SLC35F4: variants seen among roughly 807,000 people sequenced by gnomAD.
SLC35F4 encodes solute carrier family 35 member F4.
SLC35F4 carries 24 observed loss-of-function variants against 44.2 expected under a neutral mutation model. The ratio of observed to expected loss-of-function variants is 0.54; its 90% CI spans 0.39 to 0.76. SLC35F4 has a LOEUF of 0.76. Ranked by LOEUF, SLC35F4 falls within the 30% of genes least tolerant of loss-of-function variation. SLC35F4 has a pLI of 0.00. For synonymous variants in SLC35F4, 238 were observed against 223.6 expected (o/e 1.06, Z -0.57); for missense variants, 562 against 586.1 (o/e 0.96, Z 0.42).
chr14:57,581,315 T>G lies in SLC35F4; in HGVS notation c.706A>C (p.Lys236Gln). The change falls in exon 4 of 8, where the codon AAG (lysine) becomes CAG (glutamine). Residue 236 changes from lysine (K) to glutamine (Q), a missense_variant. Physicochemically the swap from Lys to Gln is moderately conservative, Grantham distance 53. Transcript: ENST00000556826. ...TNYLYLLALK[K>Q]LTATDVSALF... ...GCGGAGACATCCGTGGCCGTCAGCT[T>G]CTTTAAAGCCAGTAAATAAAGGTAA... 6.2e-7 allele frequency: 1 copy of G among 1,613,710 alleles called. No homozygotes were observed. Among genetic ancestry groups the G allele is most frequent in the Non-Finnish European group, 8.5e-7 (1 of 1,179,794 alleles).
At chr14:57,610,431 T>C (rs1369089025) in intron 1 of SLC35F4, among the ~76,000 whole-genome samples, 3 of 151,934 alleles carry the variant, frequency 2.0e-5, no homozygotes, top group Non-Finnish European at 4.4e-5. Flanking sequence ...CTGCGCGGGG[T>C]CTGTGAAGGC....
chr14:57,790,838 A>G (rs1266895520), intron 1 of SLC35F4, among the ~76,000 whole-genome samples: 1 of 152,142 alleles, frequency 6.6e-6, no homozygotes, highest in Non-Finnish European at 1.5e-5. Flanking sequence ...CCACAAATCT[A>G]CAACCATCTG....
At chr14:57,664,290 G>A (rs2074235252) in intron 1 of SLC35F4, among the ~76,000 whole-genome samples, 1 of 152,042 alleles carries the variant, frequency 6.6e-6, no homozygotes, top group South Asian at 2.1e-4. Flanking sequence ...CTTTTACCAT[G>A]GAAGACACTC....
intron 1 of SLC35F4, among the ~76,000 whole-genome samples, chr14:57,980,675 G>A (rs1276402382): frequency 6.6e-6 from 1 of 152,050 alleles, no homozygotes; most frequent in Non-Finnish European, 1.5e-5. Context: ...TGTATGTGTG[G>A]TTTAGGCAAA....
At chr14:57,788,232 T>G (rs977821901) in intron 1 of SLC35F4, among the ~76,000 whole-genome samples, 1 of 152,228 alleles carries the variant, frequency 6.6e-6, no homozygotes, top group Admixed American at 6.5e-5. Context: ...CCTAAACATA[T>G]GTGCACCTAA....
rs183130690 is a variant in SLC35F4 at position 57,660,172 on chromosome 14, G to A, written c.104-66048C>T. ...AGACTCCACGAGAGGAAACAGGCAT[G>A]GTTTAAAAATAGCAGATGAAATGTG... On this transcript the variant is annotated intron_variant, in intron 1 of 7. Coordinates refer to ENST00000556826, the MANE Select transcript of SLC35F4 (RefSeq NM_001306087.2). Among the ~76,000 whole-genome samples the A allele has an allele frequency of 4.1e-3, 629 of 152,296 alleles. 8 individuals are homozygous for A. Among genetic ancestry groups the A allele is most frequent in the African/African-American group, 0.014 (587 of 41,558 alleles).
At chr14:57,650,877 C>G (rs78087251) in intron 1 of SLC35F4, among the ~76,000 whole-genome samples, 1,751 of 152,194 alleles carry the variant, frequency 0.012, 33 homozygotes, top group African/African-American at 0.04. Flanking sequence ...TGTGCTGTTC[C>G]CTGTGCCTGG....
intron 1 of SLC35F4, chr14:57,596,960 G>A (rs2070529025): frequency 2.6e-6 from 3 of 1,166,152 alleles, no homozygotes; most frequent in South Asian, 2.6e-5. Context: ...CAGACCTGGA[G>A]ACGTATTCAG....
chr14:57,856,647 G>C (rs1887130012), intron 1 of SLC35F4, among the ~76,000 whole-genome samples: 1 of 151,956 alleles, frequency 6.6e-6, no homozygotes, highest in South Asian at 2.1e-4. Context: ...ATGTGTTCTA[G>C]TTTAAAACCA....
chr14:57,636,790 T>C (rs527627279), intron 1 of SLC35F4, among the ~76,000 whole-genome samples: 9 of 152,244 alleles, frequency 5.9e-5, no homozygotes, highest in South Asian at 4.1e-4. Context: ...GATTCAAATT[T>C]AACTGAGCAT....
At chr14:57,819,685 C>CGTCT (rs142358477) in intron 1 of SLC35F4, among the ~76,000 whole-genome samples, 32 of 150,862 alleles carry the variant, frequency 2.1e-4, no homozygotes, top group African/African-American at 7.8e-4. Context: ...TGGTGGTGTG[C>CGTCT]GTCTGTATTC....
chr14:57,876,611 C>T (rs145474490), intron 1 of SLC35F4, among the ~76,000 whole-genome samples: 166 of 152,186 alleles, frequency 1.1e-3, no homozygotes, highest in African/African-American at 3.8e-3. Flanking sequence ...ACATCACTGT[C>T]GAGCTTAAGA....
upstream of SLC35F4, among the ~76,000 whole-genome samples, chr14:57,868,564 C>T (rs1888230318): frequency 6.6e-6 from 1 of 151,886 alleles, no homozygotes; most frequent in Non-Finnish European, 1.5e-5. Flanking sequence ...CAACCTCCGC[C>T]TCCCGGGTTC....
At chr14:57,926,197 A>G (rs907520214) in intron 1 of SLC35F4, among the ~76,000 whole-genome samples, 2 of 152,298 alleles carry the variant, frequency 1.3e-5, no homozygotes, top group Non-Finnish European at 1.5e-5. Context: ...ATAAACCGTA[A>G]AGCCCTGGAG....
intron 1 of SLC35F4, among the ~76,000 whole-genome samples, chr14:57,898,281 T>C (rs899210157): frequency 2.0e-5 from 3 of 152,244 alleles, no homozygotes; most frequent in Non-Finnish European, 4.4e-5. Flanking sequence ...CATCTCTGCA[T>C]TTTCTGTTTA....
intron 1 of SLC35F4, among the ~76,000 whole-genome samples, chr14:57,619,464 G>A (rs1003366004): frequency 6.6e-6 from 1 of 152,104 alleles, no homozygotes; most frequent in African/African-American, 2.4e-5. Flanking sequence ...GCTGTTAGAA[G>A]GAAAACTAAC....
chr14:57,854,718 A>G (rs1886917491), intron 1 of SLC35F4, among the ~76,000 whole-genome samples: 1 of 152,156 alleles, frequency 6.6e-6, no homozygotes, highest in African/African-American at 2.4e-5. Flanking sequence ...CTGGCTGTCG[A>G]TTTGCCTCAT....
At chr14:57,753,689 G>A (rs1180094882) in intron 1 of SLC35F4, among the ~76,000 whole-genome samples, 1 of 152,190 alleles carries the variant, frequency 6.6e-6, no homozygotes. Flanking sequence ...AGAAGGGACT[G>A]TGAGTTCTTC....
rs1594891406 is a variant in SLC35F4, at chr14:57,571,759, G to A, written c.933+135C>T. 2.1e-5 allele frequency: 26 copies of A among 1,260,770 alleles called. No individual in the cohort carries two copies. The East Asian group carries it at 3.5e-4, about 17-fold the overall frequency. 78.1% of individuals were successfully genotyped at this position (1,260,770 alleles called of 1,614,324 possible). A position where few individuals can be genotyped will look rare whatever the true frequency, so the allele number is the denominator to read the frequency against. On this transcript the variant is annotated intron_variant, in intron 5 of 7. Coordinates refer to ENST00000556826, the MANE Select transcript of SLC35F4 (RefSeq NM_001306087.2). ...CAGGCAGGTACCCATCACATAACAA[G>A]TAGTTAATTTACTTACTATTATTTC...
Sources: gnomAD v4.1 joint callset for allele counts (sites outside exome capture counted in the v4.1 genomes callset) on GRCh38, gnomAD v4.1.1 for gene constraint, MANE v1.5 for transcripts, NCBI Gene and HGNC (gene_info 2026-07-23, HGNC 2026-07-21) for gene names.